Variants in NRG3 observed in about 807,000 individuals in gnomAD.
NRG3 encodes the protein neuregulin 3, also known as pro-neuregulin-3, membrane-bound isoform.
Under a neutral mutation model 66.9 loss-of-function variants are expected in NRG3, and 31 were observed. That is an observed-to-expected ratio of 0.46 (90% CI 0.35 to 0.63). The LOEUF is 0.63. Among genes scored for constraint, NRG3 ranks in the 20% least tolerant of loss-of-function variants. The pLI is 0.00. For missense variants in NRG3, 910 were observed against 878.9 expected (o/e 1.04, Z -0.45); for synonymous variants, 393 against 359.4 (o/e 1.09, Z -1.06).
intron 1 of NRG3, among the ~76,000 whole-genome samples, chr10:81,931,249 GTCATC>G (rs1433725284): frequency 2.0e-5 from 3 of 152,240 alleles, no homozygotes; most frequent in East Asian, 3.9e-4. Context: ...TCCATTCTCA[GTCATC>G]TCATCTCATG....
At chr10:81,927,875 A>G (rs1409275578) in intron 1 of NRG3, among the ~76,000 whole-genome samples, 2 of 152,202 alleles carry the variant, frequency 1.3e-5, no homozygotes, top group Non-Finnish European at 2.9e-5. Flanking sequence ...ACAACTGATC[A>G]GCATTAAAGT....
Position 82,024,377 on chromosome 10 carries a change from C to T in NRG3, c.823+148214C>T, listed in dbSNP as rs140573518. ...GATCTTTATTATTTCTTTTCTTCTA[C>T]TAATTTTGGAAAACCTTTATACAGT... On this transcript the variant is annotated intron_variant, in intron 1 of 8. Coordinates refer to ENST00000372141, the MANE Select transcript of NRG3 (RefSeq NM_001010848.4). Among the ~76,000 whole-genome samples, 67 of 151,910 alleles carry T rather than the reference C, an allele frequency of 4.4e-4. 1 individual carries two copies. In the East Asian group the frequency reaches 9.3e-3, roughly 21 times the overall value.
intron 3 of NRG3, among the ~76,000 whole-genome samples, chr10:82,797,666 C>T (rs1461667923): frequency 1.3e-5 from 2 of 152,136 alleles, no homozygotes; most frequent in East Asian, 3.9e-4. Context: ...ACTGCCACTC[C>T]CTCAACACCA....
At chr10:82,654,850 G>A (rs1213538241) in intron 2 of NRG3, among the ~76,000 whole-genome samples, 1 of 151,970 alleles carries the variant, frequency 6.6e-6, no homozygotes, top group Non-Finnish European at 1.5e-5. Context: ...TGAATCTTCA[G>A]GTAACATAGA....
intron 2 of NRG3, among the ~76,000 whole-genome samples, chr10:82,599,936 T>C (rs2047515937): frequency 6.6e-6 from 1 of 152,220 alleles, no homozygotes; most frequent in South Asian, 2.1e-4. Context: ...TCCTTTTAAA[T>C]GTAGAACTAA....
At chr10:81,999,500 G>A (rs923867289) in intron 1 of NRG3, among the ~76,000 whole-genome samples, 1 of 152,098 alleles carries the variant, frequency 6.6e-6, no homozygotes, top group Non-Finnish European at 1.5e-5. Flanking sequence ...AAAATGTATT[G>A]TTCAAGAAAA....
chr10:82,950,054 A>G (rs924094633), intron 4 of NRG3, among the ~76,000 whole-genome samples: 16 of 152,134 alleles, frequency 1.1e-4, no homozygotes, highest in African/African-American at 3.9e-4. Context: ...TCACCTGGGA[A>G]CTTTTTAAAA....
At chr10:82,507,945 C>T (rs1042133450) in intron 2 of NRG3, among the ~76,000 whole-genome samples, 3 of 152,200 alleles carry the variant, frequency 2.0e-5, no homozygotes, top group African/African-American at 4.8e-5. Context: ...CTATGGAAAA[C>T]ATTGTCAAAT....
At chr10:82,481,293 A>G (rs1842246081) in intron 2 of NRG3, among the ~76,000 whole-genome samples, 1 of 152,228 alleles carries the variant, frequency 6.6e-6, no homozygotes, top group Admixed American at 6.5e-5. Flanking sequence ...CAAATCCATG[A>G]CATTTCTTCA....
chr10:82,716,330 C>T (rs12261550), intron 2 of NRG3, among the ~76,000 whole-genome samples: 36,605 of 151,994 alleles, frequency 0.24, 4,661 homozygotes, highest in Middle Eastern at 0.36. Flanking sequence ...ATAGACACTT[C>T]CCCGTGAACC....
chr10:82,957,891 TGC>T (rs1252544916), intron 5 of NRG3, among the ~76,000 whole-genome samples: 15 of 78,616 alleles, frequency 1.9e-4, no homozygotes, highest in Admixed American at 1.8e-3. Flanking sequence ...CAAAGAGGTG[TGC>T]GTGTGTGTGT....
At chr10:82,015,870 A>C (rs7899474) in intron 1 of NRG3, among the ~76,000 whole-genome samples, 1 of 151,258 alleles carries the variant, frequency 6.6e-6, no homozygotes, top group Non-Finnish European at 1.5e-5. Flanking sequence ...ACATCATAGA[A>C]GTTATAGTGT....
At chr10:82,215,102 T>C (rs1201273714) in intron 1 of NRG3, among the ~76,000 whole-genome samples, 3 of 152,198 alleles carry the variant, frequency 2.0e-5, no homozygotes, top group Admixed American at 6.5e-5. Context: ...AAATTAATTT[T>C]TTCAATTTCA....
At chr10:82,047,140 A>G (rs1008821640) in intron 1 of NRG3, among the ~76,000 whole-genome samples, 17 of 151,508 alleles carry the variant, frequency 1.1e-4, no homozygotes, top group Non-Finnish European at 2.1e-4. Flanking sequence ...TTTCAGAAGG[A>G]ATGTTACCAG....
chr10:81,902,887 CAACT>C (rs1370255919), intron 1 of NRG3, among the ~76,000 whole-genome samples: 6 of 152,136 alleles, frequency 3.9e-5, no homozygotes, highest in African/African-American at 1.4e-4. Flanking sequence ...GTAAAATTGA[CAACT>C]AACTACACTG....
intron 2 of NRG3, among the ~76,000 whole-genome samples, chr10:82,648,634 A>T (rs539708107): frequency 6.6e-6 from 1 of 152,186 alleles, no homozygotes; most frequent in South Asian, 2.1e-4. Flanking sequence ...CTTCCTGCCC[A>T]TGAGCATGGA....
At chr10:82,469,224 G>A (rs778361604) in intron 2 of NRG3, among the ~76,000 whole-genome samples, 8 of 151,730 alleles carry the variant, frequency 5.3e-5, no homozygotes, top group Non-Finnish European at 1.0e-4. Flanking sequence ...CCTTCCTTCC[G>A]CTTTCCTTCA....
chr10:82,011,335 G>A lies in NRG3; in HGVS notation c.823+135172G>A, dbSNP rs114486874. On this transcript the variant is annotated intron_variant, in intron 1 of 8. Coordinates refer to ENST00000372141, the MANE Select transcript of NRG3 (RefSeq NM_001010848.4). The stretch of plus-strand genomic sequence containing the variant: ...AACAGTATGAGGACACCCACGCAGC[G>A]ATTAAGTTATCTCCATCTGGCCCCA... 3.9e-3 allele frequency among the ~76,000 whole-genome samples: 595 copies of A among 152,194 alleles called. 3 individuals are homozygous for A. Among genetic ancestry groups the A allele is most frequent in the African/African-American group, 0.013 (537 of 41,546 alleles).
At chr10:82,306,452 C>A (rs964368709) in intron 1 of NRG3, among the ~76,000 whole-genome samples, 2 of 151,172 alleles carry the variant, frequency 1.3e-5, no homozygotes, top group Admixed American at 1.3e-4. Flanking sequence ...GCCTGTAATT[C>A]CAGCACTTTG....
Sources: gnomAD v4.1 joint callset for allele counts (sites outside exome capture counted in the v4.1 genomes callset) on GRCh38, gnomAD v4.1.1 for gene constraint, MANE v1.5 for transcripts, NCBI Gene and HGNC (gene_info 2026-07-23, HGNC 2026-07-21) for gene names.